The following TIAM1 variants were observed in gnomAD, a reference collection of about 807,000 sequenced individuals.
The protein encoded by TIAM1 is rho guanine nucleotide exchange factor TIAM1.
TIAM1 carries 65 observed loss-of-function variants against 163.5 expected under a neutral mutation model. That is an observed-to-expected ratio of 0.40 (90% CI 0.33 to 0.49). TIAM1 has a LOEUF of 0.49. TIAM1 is among the 20% of genes least tolerant of loss of function. The pLI is 0.77. For synonymous variants in TIAM1, 833 were observed against 810.1 expected (o/e 1.03, Z -0.48); for missense variants, 1,789 against 2,044.7 (o/e 0.87, Z 2.41).
At chr21:31,128,954 T>TG (rs968912332) in intron 25 of TIAM1, among the ~76,000 whole-genome samples, 2 of 120,256 alleles carry the variant, frequency 1.7e-5, no homozygotes, top group Non-Finnish European at 3.3e-5. Flanking sequence ...TTACTGCTTA[T>TG]GACAAGTGGA....
In TIAM1 at chr21:31,395,120, C is replaced by T. The variant is rs931676583; in HGVS notation, c.-368-55698G>A. Among the ~76,000 whole-genome samples the T allele has an allele frequency of 3.3e-5, 5 of 152,078 alleles. No individual in the cohort carries two copies. The highest frequency in any genetic ancestry group is 9.7e-5 in the African/African-American group (4 of 41,394). On this transcript the variant is annotated intron_variant, in intron 2 of 28. Transcript: ENST00000286827. This position sits in a 1 kb window ranked among gnomAD's most constrained non-coding sequence, Gnocchi z 7.5. ...AGGCATGGTGGCGCGTGCCTGTAGT[C>T]CCAGCTACTTGGGAGGCTGCGGCAC...
chr21:31,142,831 C>G (rs1308476883), intron 20 of TIAM1, among the ~76,000 whole-genome samples: 1 of 152,088 alleles, frequency 6.6e-6, no homozygotes, highest in Non-Finnish European at 1.5e-5. Flanking sequence ...CAGCACTTTC[C>G]TCACCAGCCT....
intron 12 of TIAM1, among the ~76,000 whole-genome samples, chr21:31,198,937 G>A (rs2086033705): frequency 6.6e-6 from 1 of 152,134 alleles, no homozygotes; most frequent in South Asian, 2.1e-4. Flanking sequence ...CTCAAGAAGC[G>A]TTTGTACTTT....
chr21:31,251,930 T>G lies in TIAM1; in HGVS notation c.1223A>C (p.His408Pro), dbSNP rs752343211. Residue 408 changes from histidine to proline, a missense_variant, in exon 5 of 28, where the codon CAC becomes CCC. By Grantham distance (77) the His-to-Pro change is moderately conservative. Coordinates refer to ENST00000541036, the MANE Select transcript of TIAM1 (RefSeq NM_001353694.2). ...GGTGCCGCTGCTCTGCTCATCGCTG[T>G]GCGCCGAGCCGGCCTCCTCCAGGCT... ...SESLEEAGSA[H>P]SDEQSSGTLS... 1.9e-6 allele frequency: 3 copies of G among 1,613,766 alleles called. No homozygotes were observed. Among genetic ancestry groups the G allele is most frequent in the Non-Finnish European group, 2.5e-6 (3 of 1,179,858 alleles).
At chr21:31,406,030 A>G (rs562157914) in intron 2 of TIAM1, among the ~76,000 whole-genome samples, 1 of 152,268 alleles carries the variant, frequency 6.6e-6, no homozygotes, top group African/African-American at 2.4e-5. Flanking sequence ...GACATACTCA[A>G]AGAGATTGCC....
At chr21:31,431,913 A>C (rs2044042458) in intron 2 of TIAM1, among the ~76,000 whole-genome samples, 1 of 152,184 alleles carries the variant, frequency 6.6e-6, no homozygotes, top group African/African-American at 2.4e-5. Flanking sequence ...TGCAACATGC[A>C]CTGCAAAATG....
intron 20 of TIAM1, among the ~76,000 whole-genome samples, chr21:31,142,165 CT>C (rs896842399): frequency 2.0e-5 from 3 of 152,260 alleles, no homozygotes; most frequent in African/African-American, 7.2e-5. Context: ...TGGGGTGCCC[CT>C]GCCTCTTGGG....
chr21:31,452,480 T>C (rs1676674023), intron 2 of TIAM1: 9 of 540,960 alleles, frequency 1.7e-5, no homozygotes, highest in South Asian at 1.4e-4. Context: ...CTATGACTAG[T>C]GTCAAATTGC....
chr21:31,353,835 C>CTTTTTTTTTTTTTCTTT (rs2076273289), intron 2 of TIAM1, among the ~76,000 whole-genome samples: 1 of 71,234 alleles, frequency 1.4e-5, no homozygotes, highest in Non-Finnish European at 2.4e-5. Flanking sequence ...ATTTATTTAT[C>CTTTTTTTTTTTTTCTTT]TTTTTTTTTT....
chr21:31,191,484 G>A (rs1194124595), intron 13 of TIAM1, among the ~76,000 whole-genome samples: 1 of 152,122 alleles, frequency 6.6e-6, no homozygotes, highest in East Asian at 1.9e-4. Context: ...TGAAGTCAGG[G>A]AACAGGTGCC....
At chr21:31,379,584 A>T (rs1432431173) in intron 2 of TIAM1, among the ~76,000 whole-genome samples, 1 of 152,194 alleles carries the variant, frequency 6.6e-6, no homozygotes, top group African/African-American at 2.4e-5. Flanking sequence ...CAAGTTTCGT[A>T]GCAGCATTAG....
At position 31,187,005 on chromosome 21, in the gene TIAM1, C is replaced by G. The variant is rs748880154; in HGVS notation, c.2658G>C (p.Lys886Asn). 6.2e-6 allele frequency: 10 copies of G among 1,613,958 alleles called. No homozygotes were observed. Among genetic ancestry groups the G allele is most frequent in the Non-Finnish European group, 7.6e-6 (9 of 1,179,980 alleles). Residue 886 changes from lysine to asparagine, a missense_variant, in exon 14 of 28, where the codon AAG becomes AAC. Around this residue, in one of 5 missense-constraint regions of TIAM1, gnomAD observed 303 missense variants for 321.3 expected, o/e 0.94. Coordinates refer to ENST00000541036, the MANE Select transcript of TIAM1 (RefSeq NM_001353694.2). ...NSVKETGLAS[K>N]KGLKAGDEIL... ...AGCCCTCCTTCACTGACTTACCTTT[C>G]TTGGAAGCTAAACCGGTTTCCTTCA...
intron 2 of TIAM1, among the ~76,000 whole-genome samples, chr21:31,286,553 A>T (rs547058632): frequency 8.7e-4 from 122 of 139,942 alleles, no homozygotes; most frequent in African/African-American, 3.6e-3. Context: ...AAAAGCAATT[A>T]AAAAAAAAAA....
chr21:31,171,248 G>C (rs1212779695), intron 15 of TIAM1, among the ~76,000 whole-genome samples: 1 of 152,076 alleles, frequency 6.6e-6, no homozygotes, highest in Non-Finnish European at 1.5e-5. Context: ...ATCAGTATAT[G>C]AATAGCCCAA....
At position 31,355,353 on chromosome 21, in the gene TIAM1, C is replaced by A. The variant is rs75287628; in HGVS notation, c.-368-15931G>T. On this transcript the variant is annotated intron_variant, in intron 2 of 28. Transcript: ENST00000286827. ...GTGGCCACCTTGGTCTATTTGCTCC[C>A]GTGCAAACTTGTTCATCTTCCGCTT... Among the ~76,000 whole-genome samples the A allele has an allele frequency of 2.0e-3, 305 of 152,110 alleles. 4 individuals carry two copies. Among genetic ancestry groups the A allele is most frequent in the African/African-American group, 7.0e-3 (290 of 41,494 alleles).
chr21:31,318,163 T>C (rs901453873), intron 2 of TIAM1, among the ~76,000 whole-genome samples: 2 of 152,216 alleles, frequency 1.3e-5, no homozygotes, highest in African/African-American at 2.4e-5. Flanking sequence ...AGTGGCACCA[T>C]CTCAGCTCAC....
intron 2 of TIAM1, among the ~76,000 whole-genome samples, chr21:31,401,680 T>G (rs1464573397): frequency 6.6e-6 from 1 of 152,084 alleles, no homozygotes; most frequent in Non-Finnish European, 1.5e-5. Context: ...CCCAGCACTT[T>G]GAAAGGCTGA....
At position 31,153,054 on chromosome 21, in the gene TIAM1, T is replaced by C. The variant is rs1201633349; in HGVS notation, c.3240+12A>G. 1.2e-6 allele frequency: 2 copies of C among 1,611,676 alleles called. No individual in the cohort carries two copies. Among genetic ancestry groups the C allele is most frequent in the Non-Finnish European group, 1.7e-6 (2 of 1,179,184 alleles). On this transcript the variant is annotated intron_variant, in intron 18 of 27. Coordinates refer to ENST00000541036, the MANE Select transcript of TIAM1 (RefSeq NM_001353694.2). ...TATGATGGTCACAAAGTTGAAACCA[T>C]TTCCAGCATACCTCATCCTGGGTGA... is the stretch of plus-strand genomic sequence containing the variant.
intron 2 of TIAM1, among the ~76,000 whole-genome samples, chr21:31,296,251 C>T (rs1308685119): frequency 1.3e-5 from 2 of 152,064 alleles, no homozygotes; most frequent in African/African-American, 2.4e-5. Context: ...TTTGGATATA[C>T]TTTTACCCTA....
Sources: allele counts gnomAD v4.1 joint callset (sites outside exome capture counted in the v4.1 genomes callset), GRCh38; gene constraint gnomAD v4.1.1; regional missense constraint gnomAD v4.1.1; non-coding constraint Gnocchi (gnomAD v3.1); transcripts MANE v1.5; gene names NCBI Gene and HGNC (gene_info 2026-07-23, HGNC 2026-07-21).